The following NDST4 variants were observed in gnomAD, a reference collection of about 807,000 sequenced individuals.
NDST4 encodes N-deacetylase and N-sulfotransferase 4, also known as N-heparan sulfate sulfotransferase 4.
Under a neutral mutation model 100.8 loss-of-function variants are expected in NDST4, and 63 were observed. The ratio of observed to expected loss-of-function variants is 0.62; its 90% CI spans 0.51 to 0.77. The LOEUF is 0.77. NDST4 is among the 30% of genes least tolerant of loss of function. The probability of loss-of-function intolerance (pLI) is 0.00; values close to 1 mark genes in which losing one functional copy is unlikely to be tolerated. For missense variants in NDST4, 943 were observed against 1,018.4 expected, an observed-to-expected ratio of 0.93 and a Z score of 1.01; for synonymous variants, 377 against 361.8, an observed-to-expected ratio of 1.04 and a Z score of -0.48.
intron 2 of NDST4, among the ~76,000 whole-genome samples, chr4:115,047,327 C>T (rs1426033126): frequency 6.6e-6 from 1 of 151,832 alleles, no homozygotes; most frequent in East Asian, 1.9e-4. Flanking sequence ...TGAGTTTTTA[C>T]AATATTGTTG....
intron 6 of NDST4, 90 bp from the exon 7 acceptor site, chr4:114,871,040 T>G (rs1202122531): frequency 8.3e-6 from 7 of 838,988 alleles, no homozygotes; most frequent in South Asian, 2.6e-5. Context: ...TCACCTCACC[T>G]TGGAATTTCA....
chr4:115,008,300 C>T lies in NDST4; in HGVS notation c.979-31026G>A, dbSNP rs1200224628. Among the ~76,000 whole-genome samples, 20 of 129,050 alleles carry T rather than the reference C, an allele frequency of 1.5e-4. 3 individuals are homozygous for T. The highest frequency in any genetic ancestry group is 2.2e-4 in the Non-Finnish European group (13 of 60,354). The allele number at this position is 129,050 out of a possible 152,430, so 84.7% of individuals were successfully genotyped here. ...AGTTGATGCAGTTTCTTCCTAGACT[C>T]GATGGTCTTTACAATTTGGCATGAT... On this transcript the variant is annotated intron_variant, in intron 2 of 13. Transcript: ENST00000264363.
At chr4:115,008,928 T>C (rs1284703337) in intron 2 of NDST4, among the ~76,000 whole-genome samples, 1 of 128,160 alleles carries the variant, frequency 7.8e-6, no homozygotes, top group African/African-American at 3.0e-5. Flanking sequence ...TGAACTCCTA[T>C]TCACAATTGC....
chr4:114,835,522 G>A (rs745333446), intron 11 of NDST4, among the ~76,000 whole-genome samples: 3 of 152,160 alleles, frequency 2.0e-5, no homozygotes, highest in African/African-American at 4.8e-5. Context: ...TTGCTGAAGA[G>A]TGTTGTACTT....
intron 6 of NDST4, among the ~76,000 whole-genome samples, chr4:114,912,843 T>A (rs1301817379): frequency 6.6e-6 from 1 of 152,088 alleles, no homozygotes; most frequent in African/African-American, 2.4e-5. Flanking sequence ...TTTTTACTTT[T>A]TATATATATA....
At chr4:114,943,166 T>C (rs1333791944) in intron 4 of NDST4, among the ~76,000 whole-genome samples, 5 of 150,022 alleles carry the variant, frequency 3.3e-5, no homozygotes, top group Non-Finnish European at 7.4e-5. Flanking sequence ...TCCCATAAAA[T>C]TCACATAAAA....
chr4:115,022,385 G>A (rs1727862013), intron 2 of NDST4, among the ~76,000 whole-genome samples: 1 of 141,254 alleles, frequency 7.1e-6, no homozygotes, highest in African/African-American at 2.6e-5. Flanking sequence ...GTACATATGT[G>A]TTCCATATAT....
rs74729194 is a variant in NDST4 at position 114,982,573 on chromosome 4, T to C, written c.979-5299A>G. On this transcript the variant is annotated intron_variant, in intron 2 of 13. Coordinates refer to ENST00000264363, the MANE Select transcript of NDST4 (RefSeq NM_022569.3). Reference sequence around the variant, plus strand: ...TAACTCATTTGCATAAAGAAAGAGATGGTCTGAAATGGGAACTTATATTTA... The same window carrying C: ...TAACTCATTTGCATAAAGAAAGAGACGGTCTGAAATGGGAACTTATATTTA... 2.6e-3 allele frequency among the ~76,000 whole-genome samples: 396 copies of C among 152,258 alleles called. 1 individual carries two copies. Among genetic ancestry groups the C allele is most frequent in the Non-Finnish European group, 3.8e-3 (257 of 68,022 alleles).
At chr4:114,946,877 A>C (rs1166930700) in intron 4 of NDST4, among the ~76,000 whole-genome samples, 3 of 152,190 alleles carry the variant, frequency 2.0e-5, no homozygotes, top group African/African-American at 7.2e-5. Context: ...CACATGCTTA[A>C]AATTAAAATC....
At chr4:114,962,027 C>G (rs1726274584) in intron 4 of NDST4, among the ~76,000 whole-genome samples, 1 of 151,994 alleles carries the variant, frequency 6.6e-6, no homozygotes, top group Non-Finnish European at 1.5e-5. Flanking sequence ...ACAAGGTTAA[C>G]TTAACATCTA....
chr4:114,941,982 A>G (rs1200170052), intron 4 of NDST4, among the ~76,000 whole-genome samples: 2 of 152,220 alleles, frequency 1.3e-5, no homozygotes, highest in Non-Finnish European at 2.9e-5. Context: ...GTTCTAAGAA[A>G]ACAGAGGAAA....
chr4:115,004,579 C>G (rs772016871), intron 2 of NDST4, among the ~76,000 whole-genome samples: 2 of 152,130 alleles, frequency 1.3e-5, no homozygotes, highest in Non-Finnish European at 2.9e-5. Flanking sequence ...AAAGCTGGCC[C>G]TGAGCATGAG....
At chr4:114,829,973 T>A (rs1723160711) in intron 12 of NDST4, 81 bp from the exon 13 acceptor site, 4 of 873,520 alleles carry the variant, frequency 4.6e-6, no homozygotes, top group South Asian at 1.5e-5. Context: ...ATAAAGGAAA[T>A]GTATTTTTGT....
At chr4:114,874,969 G>A (rs1724227691) in intron 6 of NDST4, among the ~76,000 whole-genome samples, 1 of 152,012 alleles carries the variant, frequency 6.6e-6, no homozygotes, top group African/African-American at 2.4e-5. Flanking sequence ...GGATAAAAAT[G>A]GTTTATATAT....
At chr4:114,849,593 G>C (rs1264481023) in intron 8 of NDST4, among the ~76,000 whole-genome samples, 1 of 152,080 alleles carries the variant, frequency 6.6e-6, no homozygotes, top group Non-Finnish European at 1.5e-5. Flanking sequence ...AGTAGCTAAA[G>C]GGAAGAACGT....
At chr4:114,915,229 C>T (rs1211497469) in intron 6 of NDST4, among the ~76,000 whole-genome samples, 1 of 152,034 alleles carries the variant, frequency 6.6e-6, no homozygotes, top group African/African-American at 2.4e-5. Context: ...GGTCTGTAGG[C>T]TAAGAACAAA....
At chr4:114,917,637 A>G (rs1345476036) in intron 6 of NDST4, among the ~76,000 whole-genome samples, 1 of 152,084 alleles carries the variant, frequency 6.6e-6, no homozygotes, top group Non-Finnish European at 1.5e-5. Flanking sequence ...TATAACTTAG[A>G]AAAAAATAGA....
intron 2 of NDST4, among the ~76,000 whole-genome samples, chr4:114,994,783 A>G (rs1727124352): frequency 6.6e-6 from 1 of 152,054 alleles, no homozygotes; most frequent in African/African-American, 2.4e-5. Context: ...CTTGGGTTTA[A>G]AAAACATTAA....
chr4:114,901,567 G>A (rs977179079), intron 6 of NDST4, among the ~76,000 whole-genome samples: 2 of 151,754 alleles, frequency 1.3e-5, no homozygotes, highest in Non-Finnish European at 2.9e-5. Context: ...GTTGGGGCTT[G>A]TTTTTTTATC....
Sources: gnomAD v4.1 joint callset for allele counts (sites outside exome capture counted in the v4.1 genomes callset) on GRCh38, gnomAD v4.1.1 for gene constraint, MANE v1.5 for transcripts, NCBI Gene and HGNC (gene_info 2026-07-23, HGNC 2026-07-21) for gene names.